Variants in ARHGEF17 observed in about 807,000 individuals in gnomAD.
ARHGEF17 encodes Rho guanine nucleotide exchange factor 17.
Under a neutral mutation model 174.0 loss-of-function variants are expected in ARHGEF17, and 80 were observed. The observed-to-expected ratio is 0.46, with a 90% confidence interval of 0.38 to 0.55. The LOEUF (loss-of-function observed/expected upper bound fraction) is 0.55, where lower values mean the gene tolerates loss of function less well. Ranked by LOEUF, ARHGEF17 falls within the 20% of genes least tolerant of loss-of-function variation. The pLI is 0.00. For synonymous variants in ARHGEF17, 1,311 were observed against 1,189.1 expected, an observed-to-expected ratio of 1.10 and a Z score of -2.11; for missense variants, 2,886 against 2,839.7, an observed-to-expected ratio of 1.02 and a Z score of -0.37.
At chr11:73,363,109 C>G in intron 14 of ARHGEF17, 97 bp from the exon 15 acceptor site, 1 of 1,435,618 alleles carries the variant, frequency 7.0e-7, no homozygotes, top group Admixed American at 2.9e-5. Context: ...AGAGGCCTTC[C>G]GGAGGGGCAT....
rs1865869145 is a variant in ARHGEF17 at position 73,367,926 on chromosome 11, C to T, written c.*146C>T. On this transcript the variant is annotated 3_prime_UTR_variant, in exon 21 of 21. Coordinates refer to ENST00000263674, the MANE Select transcript of ARHGEF17 (RefSeq NM_014786.4). ...GGGCTCTGCCTTGTCTTCGCGGAAG[C>T]ATTCCTGATGGAACACCCACTGGCC... 2 of 854,430 alleles carry T rather than the reference C, an allele frequency of 2.3e-6. No individual in the cohort carries two copies. Among genetic ancestry groups the T allele is most frequent in the African/African-American group, 1.7e-5 (1 of 58,868 alleles). The allele number at this position is 854,430 out of a possible 1,614,324, so 52.9% of individuals were successfully genotyped here.
chr11:73,343,046 G>A, intron 1 of ARHGEF17: 1 of 287,960 alleles, frequency 3.5e-6, no homozygotes, highest in Non-Finnish European at 6.4e-6. Context: ...GAGCCCTTAG[G>A]GAGCGAGAGT....
intron 1 of ARHGEF17, among the ~76,000 whole-genome samples, chr11:73,345,091 G>A (rs566698254): frequency 1.4e-4 from 21 of 152,218 alleles, no homozygotes; most frequent in Non-Finnish European, 2.8e-4. Context: ...GCCTGTCCTC[G>A]GGAGGCCTTC....
chr11:73,339,094 C>A (rs149961973), intron 1 of ARHGEF17, among the ~76,000 whole-genome samples: 177 of 152,248 alleles, frequency 1.2e-3, no homozygotes, highest in African/African-American at 4.2e-3. Context: ...CTCCCAGGAG[C>A]CTGATGAGGC....
intron 1 of ARHGEF17, among the ~76,000 whole-genome samples, chr11:73,335,321 A>G (rs1028752957): frequency 1.3e-5 from 2 of 152,162 alleles, no homozygotes; most frequent in African/African-American, 4.8e-5. Flanking sequence ...AATGGGGGTG[A>G]CAGTCCCAGC....
chr11:73,363,726 G>A (rs754900382), intron 15 of ARHGEF17, 21 bp from the exon 16 acceptor site: 2 of 1,613,618 alleles, frequency 1.2e-6, no homozygotes, highest in East Asian at 2.2e-5. Context: ...ATTTGTCCCA[G>A]GTGCATACCC....
At position 73,310,146 on chromosome 11, in the gene ARHGEF17, A is replaced by G. The variant is rs577835041; in HGVS notation, c.1508A>G (p.Asp503Gly). The G allele has an allele frequency of 5.6e-6, 9 of 1,613,968 alleles. No individual in the cohort carries two copies. In the East Asian group the frequency reaches 1.3e-4, roughly 24 times the overall value. The change falls in exon 1 of 21, where the codon GAT becomes GGT. Residue 503 changes from aspartate to glycine, a missense_variant. Physicochemically the swap from Asp to Gly is moderately conservative, Grantham distance 94. This residue lies in a region of ARHGEF17 where 1,728 missense variants were observed against 1,461.2 expected (regional missense o/e 1.18). Coordinates refer to ENST00000263674, the MANE Select transcript of ARHGEF17 (RefSeq NM_014786.4). ...SSGDRGSNPL[D>G]GRDSPSAGGP... ...GGGGACCGTGGAAGCAACCCCCTAG[A>G]TGGCAGAGACTCACCATCCGCAGGT...
At chr11:73,318,923 G>A (rs1229321377) in intron 1 of ARHGEF17, among the ~76,000 whole-genome samples, 3 of 152,186 alleles carry the variant, frequency 2.0e-5, no homozygotes, top group Non-Finnish European at 2.9e-5. Context: ...AGGCCTGCCC[G>A]CCTCTGGCGG....
chr11:73,347,958 G>A (rs1021091481), intron 2 of ARHGEF17, among the ~76,000 whole-genome samples: 3 of 152,186 alleles, frequency 2.0e-5, no homozygotes, highest in Non-Finnish European at 4.4e-5. Context: ...CTGGGCTCCT[G>A]GCCTCGGATA....
In ARHGEF17 at chr11:73,310,969, G is replaced by C; in HGVS notation, c.2331G>C (p.Glu777Asp). 1 of 1,614,190 alleles carries C rather than the reference G, an allele frequency of 6.2e-7. No individual in the cohort carries two copies. Among genetic ancestry groups the C allele is most frequent in the East Asian group, 2.2e-5 (1 of 44,878 alleles). ...TCCCTGCCACCTCAGCCATGGATGA[G>C]GGCTTGACCAGTGGTCACAGTGACT... Reference protein sequence around the residue: ...TGLPATSAMDEGLTSGHSDWS... With the variant: ...TGLPATSAMDDGLTSGHSDWS... The change falls in exon 1 of 21, where the codon GAG becomes GAC. Residue 777 changes from glutamate to aspartate, a missense_variant. Transcript: ENST00000263674.
Position 73,367,581 on chromosome 11 carries a change from C to T in ARHGEF17, c.5996-3C>T, listed in dbSNP as rs374115593. On this transcript the variant is annotated splice_region_variant and splice_polypyrimidine_tract_variant and intron_variant, in intron 20 of 20. Transcript: ENST00000263674. ...GCTGACAGATCCTCCCCTCTGCCCC[C>T]AGGCCCCGAGAAGCTGCCATCACTG... is the stretch of plus-strand genomic sequence containing the variant. The T allele has an allele frequency of 9.9e-6, 16 of 1,609,134 alleles. No individual in the cohort carries two copies. The highest frequency in any genetic ancestry group is 1.3e-5 in the Non-Finnish European group (15 of 1,176,934).
intron 1 of ARHGEF17, among the ~76,000 whole-genome samples, chr11:73,329,637 C>A (rs560060583): frequency 6.6e-6 from 1 of 151,790 alleles, no homozygotes; most frequent in African/African-American, 2.4e-5. Flanking sequence ...TGACTTCAGG[C>A]GATCCGCCTG....
In ARHGEF17 at chr11:73,311,109, A is replaced by G; in HGVS notation, c.2471A>G (p.Lys824Arg). 1 of 1,606,162 alleles carries G rather than the reference A, an allele frequency of 6.2e-7. No individual in the cohort carries two copies. Among genetic ancestry groups the G allele is most frequent in the South Asian group, 1.1e-5 (1 of 90,756 alleles). The change falls in exon 1 of 21, where the codon AAG (lysine) becomes AGG (arginine). Residue 824 changes from lysine to arginine, a missense_variant. By Grantham distance (26) the Lys-to-Arg change is conservative. Transcript: ENST00000263674. ...VDDRIAGKAP[K>R]KKSLSDPSRR... ...GACAGGATTGCTGGCAAAGCCCCCA[A>G]GAAGAAATCCCTGAGTGACCCCAGC...
chr11:73,338,511 C>CA (rs1421426676), intron 1 of ARHGEF17, among the ~76,000 whole-genome samples: 6 of 152,176 alleles, frequency 3.9e-5, no homozygotes, highest in Admixed American at 2.0e-4. Flanking sequence ...GAGCATCAGA[C>CA]AGTCTGTGTG....
chr11:73,363,128 G>A, intron 14 of ARHGEF17, 78 bp from the exon 15 acceptor site: 2 of 1,447,406 alleles, frequency 1.4e-6, no homozygotes, highest in East Asian at 2.5e-5. Context: ...ATGGCCAGGA[G>A]GGATGCATGG....
chr11:73,308,940 C>T lies in ARHGEF17; in HGVS notation c.302C>T (p.Thr101Ile). 7.3e-7 allele frequency: 1 copy of T among 1,363,802 alleles called. No individual in the cohort carries two copies. Among genetic ancestry groups the T allele is most frequent in the East Asian group, 3.1e-5 (1 of 32,144 alleles). 84.5% of individuals were successfully genotyped at this position (1,363,802 alleles called of 1,614,324 possible). The change falls in exon 1 of 21, where the codon ACC (threonine) becomes ATC (isoleucine). Residue 101 changes from threonine (T) to isoleucine (I), a missense_variant. By Grantham distance (89) the Thr-to-Ile change is moderately conservative (BLOSUM62 -1). Transcript: ENST00000263674. ...CGTCTGGACGACGGCTCCGCTGGGA[C>T]CCGAGACGGAGGCGTCTTACCCGCG... Reference protein sequence around the residue: ...APRLDDGSAGTRDGGVLPAAA... With the variant: ...APRLDDGSAGIRDGGVLPAAA...
intron 1 of ARHGEF17, among the ~76,000 whole-genome samples, chr11:73,322,782 A>C: frequency 6.6e-6 from 1 of 151,708 alleles, no homozygotes; most frequent in African/African-American, 2.4e-5. Flanking sequence ...TTTCTGGGAG[A>C]GGAAGGGCTG....
Position 73,357,022 on chromosome 11 carries a change from C to T in ARHGEF17, c.3892-3C>T. On this transcript the variant is annotated splice_polypyrimidine_tract_variant and splice_region_variant and intron_variant, in intron 7 of 20. Coordinates refer to ENST00000263674, the MANE Select transcript of ARHGEF17 (RefSeq NM_014786.4). Reference sequence around the variant, plus strand: ...AGCCTGAATTCTGCCTTGGGCTCCACAGAAGGCGATCGGTGGCAAGAAGGA... The same window carrying T: ...AGCCTGAATTCTGCCTTGGGCTCCATAGAAGGCGATCGGTGGCAAGAAGGA... 6.2e-7 allele frequency: 1 copy of T among 1,614,122 alleles called. No homozygotes were observed. The highest frequency in any genetic ancestry group is 8.5e-7 in the Non-Finnish European group (1 of 1,179,984).
In ARHGEF17 at chr11:73,360,536, A is replaced by G. The variant is rs1443561616; in HGVS notation, c.4420+3A>G. The G allele has an allele frequency of 6.2e-7, 1 of 1,613,758 alleles. No homozygotes were observed. On this transcript the variant is annotated splice_donor_region_variant and intron_variant, in intron 11 of 20. Transcript: ENST00000263674. ...CGATGAGGCCAAGAGGAAGCTGGGT[A>G]AGCCAAGGCACATGTTGGCCCTCTC...
Sources: gnomAD v4.1 joint callset for allele counts (sites outside exome capture counted in the v4.1 genomes callset) on GRCh38, gnomAD v4.1.1 for gene constraint, gnomAD v4.1.1 regional missense constraint, MANE v1.5 for transcripts, NCBI Gene and HGNC (gene_info 2026-07-23, HGNC 2026-07-21) for gene names.